DACH1: variants seen among roughly 807,000 people sequenced by gnomAD.
The protein encoded by DACH1 is dachshund family transcription factor 1.
DACH1 carries 12 observed loss-of-function variants against 54.2 expected under a neutral mutation model. The observed-to-expected ratio is 0.22, with a 90% CI of 0.14 to 0.36. DACH1 has a LOEUF of 0.36. Among genes scored for constraint, DACH1 ranks in the 10% least tolerant of loss-of-function variants. The pLI, the probability that DACH1 is intolerant of heterozygous loss-of-function variation, is 1.00. For missense variants in DACH1, 805 were observed against 929.8 expected (o/e 0.87, Z 1.75); for synonymous variants, 386 against 366.2 (o/e 1.05, Z -0.62).
intron 3 of DACH1, among the ~76,000 whole-genome samples, chr13:71,626,648 T>C (rs1876666695): frequency 6.6e-6 from 1 of 152,032 alleles, no homozygotes; most frequent in Admixed American, 6.6e-5. Context: ...GTACTTGATA[T>C]AAACAAGAGA....
chr13:71,604,546 T>C lies in DACH1; in HGVS notation c.1126+26010A>G, dbSNP rs190743006. Among the ~76,000 whole-genome samples the C allele has an allele frequency of 2.0e-5, 3 of 152,064 alleles. No individual in the cohort carries two copies. The East Asian group carries it at 5.8e-4, about 29-fold the overall frequency. On this transcript the variant is annotated intron_variant, in intron 3 of 10. Transcript: ENST00000613252. Reference sequence around the variant, plus strand: ...AAATGTTACTTTTCCAAGGTAGAAATTACGGCTTTATAAGCTTCCAATAAT... The same window carrying C: ...AAATGTTACTTTTCCAAGGTAGAAACTACGGCTTTATAAGCTTCCAATAAT...
At chr13:71,781,121 C>T (rs902952364) in intron 1 of DACH1, among the ~76,000 whole-genome samples, 1 of 151,866 alleles carries the variant, frequency 6.6e-6, no homozygotes, top group Non-Finnish European at 1.5e-5. Context: ...GGTGACAGAG[C>T]GAGATTTTGT....
At chr13:71,496,306 T>TATATATATACAC (rs1217159359) in intron 6 of DACH1, among the ~76,000 whole-genome samples, 2 of 46,114 alleles carry the variant, frequency 4.3e-5, no homozygotes, top group Non-Finnish European at 8.3e-5. Context: ...TATATATATA[T>TATATATATACAC]ACACACACAA....
chr13:71,599,717 A>C (rs1874355234), intron 3 of DACH1, among the ~76,000 whole-genome samples: 1 of 152,098 alleles, frequency 6.6e-6, no homozygotes, highest in African/African-American at 2.4e-5. Context: ...GGAAATGGTC[A>C]ATAACCCTCT....
intron 5 of DACH1, 41 bp downstream of exon 5, chr13:71,559,779 A>C: frequency 1.2e-6 from 2 of 1,613,050 alleles, no homozygotes; most frequent in Non-Finnish European, 1.7e-6. Context: ...CTGAACCCTA[A>C]TAAAGTTTAA....
rs971648387 is a variant in DACH1 at position 71,507,452 on chromosome 13, C to T, written c.1571-18304G>A. Among the ~76,000 whole-genome samples, 13 of 147,902 alleles carry T rather than the reference C, an allele frequency of 8.8e-5. 1 individual carries two copies. Among genetic ancestry groups the T allele is most frequent in the African/African-American group, 3.5e-4 (13 of 37,456 alleles). ...TATTTTTACAATTGTTAAATTTAAT[C>T]ATAAATTTAATCAGGAACTTTTTAT... On this transcript the variant is annotated intron_variant, in intron 6 of 10. Coordinates refer to ENST00000613252, the MANE Select transcript of DACH1 (RefSeq NM_080759.6).
intron 6 of DACH1, among the ~76,000 whole-genome samples, chr13:71,553,129 A>G (rs1883997141): frequency 7.5e-6 from 1 of 132,646 alleles, no homozygotes; most frequent in South Asian, 2.5e-4. Flanking sequence ...CCATATATGT[A>G]TATTAGACAT....
intron 2 of DACH1, among the ~76,000 whole-genome samples, chr13:71,647,439 T>G (rs963513847): frequency 1.3e-5 from 2 of 152,158 alleles, no homozygotes; most frequent in African/African-American, 2.4e-5. Context: ...ACCCTCATAT[T>G]AAAAAGTATT....
intron 1 of DACH1, among the ~76,000 whole-genome samples, chr13:71,709,839 C>T (rs1454978010): frequency 6.6e-6 from 1 of 152,100 alleles, no homozygotes; most frequent in Non-Finnish European, 1.5e-5. Context: ...TAAATAAATA[C>T]ACCCACACAC....
intron 3 of DACH1, among the ~76,000 whole-genome samples, chr13:71,574,849 G>A (rs1038479924): frequency 6.6e-6 from 1 of 151,942 alleles, no homozygotes; most frequent in South Asian, 2.1e-4. Context: ...AATTTCTCCA[G>A]CTTGCTCCTA....
chr13:71,636,246 A>C (rs1387977837), intron 2 of DACH1, among the ~76,000 whole-genome samples: 1 of 152,204 alleles, frequency 6.6e-6, no homozygotes, highest in Non-Finnish European at 1.5e-5. Flanking sequence ...AACACATTGC[A>C]TAAAAGTATC....
In DACH1 at chr13:71,475,953, T is replaced by C. The variant is rs1451507441; in HGVS notation, c.1871-104A>G. On this transcript the variant is annotated intron_variant, in intron 8 of 10. Coordinates refer to ENST00000613252, the MANE Select transcript of DACH1 (RefSeq NM_080759.6). ...TTTTATATTATTCATTTTGTTTTCC[T>C]GCTGAACTGAGTCTACCTATAAAAA... is the stretch of plus-strand genomic sequence containing the variant. 3.3e-5 allele frequency: 28 copies of C among 857,646 alleles called. No homozygotes were observed. The Admixed American group carries it at 3.4e-4, about 10-fold the overall frequency. The allele number at this position is 857,646 out of a possible 1,614,324, so 53.1% of individuals were successfully genotyped here. A position where few individuals can be genotyped will look rare whatever the true frequency, so the allele number is the denominator to read the frequency against.
At chr13:71,604,740 T>A (rs924047721) in intron 3 of DACH1, among the ~76,000 whole-genome samples, 1 of 151,920 alleles carries the variant, frequency 6.6e-6, no homozygotes, top group Non-Finnish European at 1.5e-5. Context: ...CACATGGCAA[T>A]GGAGCAATTT....
At chr13:71,667,436 A>G (rs895964072) in intron 2 of DACH1, among the ~76,000 whole-genome samples, 14 of 152,210 alleles carry the variant, frequency 9.2e-5, no homozygotes, top group Non-Finnish European at 4.4e-5. Flanking sequence ...TAATGCTGAC[A>G]GTTTTTATGA....
chr13:71,541,770 C>T lies in DACH1; in HGVS notation c.1570+15254G>A, dbSNP rs1883139813. 2.0e-5 allele frequency among the ~76,000 whole-genome samples: 3 copies of T among 151,818 alleles called. No individual in the cohort carries two copies. In the South Asian group the frequency reaches 6.2e-4, roughly 31 times the overall value. On this transcript the variant is annotated intron_variant, in intron 6 of 10. Transcript: ENST00000613252. ...GAAAAAGAATACCCTGTGAAATTTG[C>T]TTTGCAATTTATTTCAATTATATTA...
intron 4 of DACH1, among the ~76,000 whole-genome samples, chr13:71,563,774 T>G (rs1036065190): frequency 2.6e-5 from 4 of 151,596 alleles, no homozygotes. Context: ...AACTTAGTTT[T>G]TGCTTTAATT....
At chr13:71,620,082 A>T (rs1233490167) in intron 3 of DACH1, among the ~76,000 whole-genome samples, 1 of 151,950 alleles carries the variant, frequency 6.6e-6, no homozygotes, top group Non-Finnish European at 1.5e-5. Flanking sequence ...CCTTGATAAG[A>T]TGTTTAACTT....
chr13:71,552,308 A>T (rs1883868295), intron 6 of DACH1, among the ~76,000 whole-genome samples: 1 of 152,134 alleles, frequency 6.6e-6, no homozygotes. Flanking sequence ...ACAATAATAC[A>T]AATTAGGTAT....
chr13:71,554,959 G>C (rs1884143925), intron 6 of DACH1, among the ~76,000 whole-genome samples: 2 of 152,228 alleles, frequency 1.3e-5, no homozygotes, highest in African/African-American at 2.4e-5. Context: ...AAAAATTCTA[G>C]TGAGATTTGT....
Sources: gnomAD v4.1 joint callset for allele counts (sites outside exome capture counted in the v4.1 genomes callset) on GRCh38, gnomAD v4.1.1 for gene constraint, MANE v1.5 for transcripts, NCBI Gene and HGNC (gene_info 2026-07-23, HGNC 2026-07-21) for gene names.